The following DCHS2 variants were observed in gnomAD, a reference collection of about 807,000 sequenced individuals.
DCHS2 encodes the protein protocadherin-23.
A neutral mutation model predicts 182.4 loss-of-function variants in DCHS2; 142 were observed. The observed-to-expected ratio is 0.78, with a 90% CI of 0.68 to 0.89. DCHS2 has a LOEUF of 0.89. Among genes scored for constraint, DCHS2 ranks in the 40% least tolerant of loss-of-function variants. The probability of loss-of-function intolerance (pLI) is 0.00; values close to 1 mark genes in which losing one functional copy is unlikely to be tolerated. For synonymous variants in DCHS2, 1,740 were observed against 1,663.3 expected (o/e 1.05, Z -1.12); for missense variants, 4,319 against 4,198.6 (o/e 1.03, Z -0.79).
At chr4:154,287,972 C>T (rs12500606) in intron 13 of DCHS2, among the ~76,000 whole-genome samples, 42,263 of 151,826 alleles carry the variant, frequency 0.28, 6,603 homozygotes, top group South Asian at 0.36. Context: ...CAGAGAAAAC[C>T]GCCTTCACTA....
chr4:154,356,583 T>G (rs1221264650), intron 3 of DCHS2, among the ~76,000 whole-genome samples: 1 of 152,148 alleles, frequency 6.6e-6, no homozygotes, highest in Non-Finnish European at 1.5e-5. Context: ...GGTGTACCAT[T>G]TTAAATCTTT....
Position 154,306,272 on chromosome 4 carries a change from A to G in DCHS2, c.5261-1041T>C, listed in dbSNP as rs1196738930. On this transcript the variant is annotated intron_variant, in intron 10 of 19. Coordinates refer to ENST00000357232, the MANE Select transcript of DCHS2 (RefSeq NM_001358235.2). ...CTGCAGGCATTGGAATGACCCTGAG[A>G]AAAAAAGTCTAATAACATAGGACCA... Among the ~76,000 whole-genome samples, 3 of 152,166 alleles carry G rather than the reference A, an allele frequency of 2.0e-5. No individual in the cohort carries two copies. In the East Asian group the frequency reaches 5.8e-4, roughly 29 times the overall value.
chr4:154,414,495 T>C (rs1732756204), intron 1 of DCHS2, among the ~76,000 whole-genome samples: 1 of 144,538 alleles, frequency 6.9e-6, no homozygotes, highest in African/African-American at 2.5e-5. Context: ...TTCTTTTTTT[T>C]TTTTTTTTTT....
chr4:154,364,061 G>A (rs1463774505), intron 3 of DCHS2, among the ~76,000 whole-genome samples: 4 of 152,108 alleles, frequency 2.6e-5, no homozygotes, highest in Non-Finnish European at 5.9e-5. Flanking sequence ...CTAAATACAC[G>A]GGTATCAAAA....
intron 2 of DCHS2, among the ~76,000 whole-genome samples, chr4:154,373,675 G>C (rs1730747281): frequency 1.3e-5 from 2 of 152,086 alleles, no homozygotes; most frequent in South Asian, 4.1e-4. Flanking sequence ...ACTTCAGGAG[G>C]GGTCCTGCTT....
At chr4:154,444,119 A>G (rs1016514780) in intron 1 of DCHS2, among the ~76,000 whole-genome samples, 33 of 151,832 alleles carry the variant, frequency 2.2e-4, no homozygotes, top group Admixed American at 4.6e-4. Context: ...CCTCTTTCCT[A>G]TTTACATTCA....
rs773969875 is a variant in DCHS2, at chr4:154,333,363, T to A, written c.2845A>T (p.Thr949Ser). 5.6e-6 allele frequency: 9 copies of A among 1,614,200 alleles called. No homozygotes were observed. Among genetic ancestry groups the A allele is most frequent in the Middle Eastern group, 1.6e-4 (1 of 6,062 alleles). ...GCGCTGCCGAGCTGCGCCTGCACCG[T>A]GAGCACAACCACGGGCTGCGTCTCG... ...DHETQPVVVLTVQAQLGSAPA... is the reference protein window; with the variant it reads ...DHETQPVVVLSVQAQLGSAPA... Residue 949 changes from threonine to serine, a missense_variant, in exon 5 of 20, where the codon ACG (threonine) becomes TCG (serine). By Grantham distance (58) the Thr-to-Ser change is moderately conservative. Coordinates refer to ENST00000357232, the MANE Select transcript of DCHS2 (RefSeq NM_001358235.2).
At chr4:154,395,523 A>G (rs114964272) in intron 1 of DCHS2, among the ~76,000 whole-genome samples, 5,718 of 152,252 alleles carry the variant, frequency 0.038, 135 homozygotes, top group Non-Finnish European at 0.055. Flanking sequence ...GCCTCCTGCC[A>G]TAGCCCATAA....
intron 3 of DCHS2, chr4:154,355,611 G>A (rs1340411935): frequency 1.3e-5 from 2 of 152,038 alleles, no homozygotes; most frequent in Non-Finnish European, 2.9e-5. Context: ...CTTGCGTGAG[G>A]TCCAAGAACC....
intron 4 of DCHS2, 102 bp downstream of exon 4, chr4:154,334,766 C>T (rs749137066): frequency 1.2e-5 from 11 of 906,414 alleles, no homozygotes; most frequent in East Asian, 2.4e-5. Context: ...TTTTGACTTG[C>T]GTGGAAAGAA....
intron 10 of DCHS2, among the ~76,000 whole-genome samples, chr4:154,307,441 GCACACACA>G (rs34718837): frequency 6.7e-6 from 1 of 150,082 alleles, no homozygotes; most frequent in African/African-American, 2.4e-5. Context: ...ATGTGCGCGC[GCACACACA>G]CACACACACA....
chr4:154,411,566 A>G (rs905760202), intron 1 of DCHS2, among the ~76,000 whole-genome samples: 10 of 152,200 alleles, frequency 6.6e-5, no homozygotes, highest in Non-Finnish European at 1.0e-4. Context: ...CACTGACTCC[A>G]GCCTCAGTGA....
chr4:154,365,533 T>C (rs1339641088), intron 3 of DCHS2, among the ~76,000 whole-genome samples: 2 of 151,986 alleles, frequency 1.3e-5, no homozygotes, highest in Non-Finnish European at 2.9e-5. Flanking sequence ...GACAGTGGCC[T>C]GATCATAGCT....
chr4:154,486,603 A>G, intron 1 of DCHS2: 1 of 1,241,356 alleles, frequency 8.1e-7, no homozygotes, highest in Non-Finnish European at 1.1e-6. Context: ...AAGCAAAGCC[A>G]TGGAACACAG....
intron 1 of DCHS2, among the ~76,000 whole-genome samples, chr4:154,469,640 A>T (rs998082289): frequency 5.3e-5 from 8 of 152,098 alleles, no homozygotes; most frequent in Non-Finnish European, 1.2e-4. Context: ...CCTGGCCCTC[A>T]CCTGTTCTCC....
intron 13 of DCHS2, among the ~76,000 whole-genome samples, chr4:154,275,119 A>G (rs1018424125): frequency 4.6e-5 from 7 of 152,080 alleles, no homozygotes; most frequent in African/African-American, 1.7e-4. Flanking sequence ...AACAAATAGT[A>G]GTTTTCCTTA....
chr4:154,451,208 C>G (rs546809845), intron 1 of DCHS2, among the ~76,000 whole-genome samples: 1 of 152,250 alleles, frequency 6.6e-6, no homozygotes, highest in Admixed American at 6.5e-5. Context: ...CTGTCTGGAG[C>G]CTTTGGCAGG....
chr4:154,427,822 CCT>C (rs1356697432), intron 1 of DCHS2, among the ~76,000 whole-genome samples: 2 of 152,198 alleles, frequency 1.3e-5, no homozygotes, highest in East Asian at 3.8e-4. Flanking sequence ...ATGTTAACTA[CCT>C]CTCTCTCTAT....
chr4:154,398,571 G>A (rs1221488831), intron 1 of DCHS2, among the ~76,000 whole-genome samples: 1 of 152,090 alleles, frequency 6.6e-6, no homozygotes, highest in East Asian at 1.9e-4. Flanking sequence ...CTCAACTAAT[G>A]TGCTTATGAT....
Sources: gnomAD v4.1 joint callset for allele counts (sites outside exome capture counted in the v4.1 genomes callset) on GRCh38, gnomAD v4.1.1 for gene constraint, MANE v1.5 for transcripts, NCBI Gene and HGNC (gene_info 2026-07-23, HGNC 2026-07-21) for gene names.